Variants in CACNG6 observed in about 807,000 individuals in gnomAD.
The protein encoded by CACNG6 is calcium voltage-gated channel auxiliary subunit gamma 6.
A neutral mutation model predicts 23.9 loss-of-function variants in CACNG6; 21 were observed. The ratio of observed to expected loss-of-function variants is 0.88; its 90% CI spans 0.62 to 1.26. The LOEUF (loss-of-function observed/expected upper bound fraction) is 1.26. Among genes scored for constraint, CACNG6 ranks in the 50% most tolerant of loss-of-function variants. The pLI is 0.00. For missense variants in CACNG6, 340 were observed against 352.9 expected (o/e 0.96, Z 0.29); for synonymous variants, 182 against 168.9 (o/e 1.08, Z -0.60).
intron 3 of CACNG6, among the ~76,000 whole-genome samples, chr19:54,009,674 C>T (rs2069683328): frequency 6.6e-6 from 1 of 151,898 alleles, no homozygotes; most frequent in African/African-American, 2.4e-5. Flanking sequence ...TTGAGTTTTG[C>T]AAATTTTGGT....
At chr19:54,004,207 C>T (rs1323655500) in intron 3 of CACNG6, among the ~76,000 whole-genome samples, 3 of 151,966 alleles carry the variant, frequency 2.0e-5, no homozygotes, top group Non-Finnish European at 4.4e-5. Flanking sequence ...GTTGCCCAGG[C>T]TGGAGTGCAA....
At chr19:54,008,989 A>G (rs746614147) in intron 3 of CACNG6, among the ~76,000 whole-genome samples, 1 of 152,174 alleles carries the variant, frequency 6.6e-6, no homozygotes, top group Non-Finnish European at 1.5e-5. Flanking sequence ...AAAAATAATA[A>G]TCATTTAAGC....
At chr19:54,003,521 T>A (rs973262313) in intron 3 of CACNG6, among the ~76,000 whole-genome samples, 7 of 151,928 alleles carry the variant, frequency 4.6e-5, no homozygotes, top group African/African-American at 1.5e-4. Flanking sequence ...CCACCACACC[T>A]GGCTAAGTTT....
At position 54,012,088 on chromosome 19, in the gene CACNG6, G is replaced by T. The variant is rs773351063; in HGVS notation, c.682G>T (p.Gly228Cys). The change falls in exon 4 of 4, where the codon GGC becomes TGC. Residue 228 changes from glycine to cysteine, a missense_variant. Gly to Cys is a radical substitution (Grantham distance 159). Transcript: ENST00000252729. Reference protein sequence around the residue: ...SWSLGCGVGAGLILLLGAGCF... With the variant: ...SWSLGCGVGACLILLLGAGCF... ...GTCCCTGGGCTGCGGCGTGGGGGCC[G>T]GCCTGATCCTGCTGTTGGGGGCCGG... is the stretch of plus-strand genomic sequence containing the variant. 2 of 1,579,920 alleles carry T rather than the reference G, an allele frequency of 1.3e-6. No individual in the cohort carries two copies. The highest frequency in any genetic ancestry group is 2.3e-5 in the South Asian group (2 of 86,950).
Position 53,992,952 on chromosome 19 carries a change from G to T in CACNG6, c.75G>T (p.Gly25=). The part of the protein sequence containing the change: ...RGAAGRRRAH[G]QGRSGLTPER... ...CCGCGGGCCGGCGGCGGGCGCACGG[G>T]CAGGGCAGGTCGGGGCTGACGCCCG... The change falls in exon 1 of 4, where the codon GGG becomes GGT. Residue 25 remains glycine (G), a synonymous_variant. Transcript: ENST00000252729. The surrounding 1 kb of genome is among the most constrained non-coding windows in gnomAD (Gnocchi z 4.1). 7.1e-7 allele frequency: 1 copy of T among 1,413,110 alleles called. No homozygotes were observed. Among genetic ancestry groups the T allele is most frequent in the Admixed American group, 3.6e-5 (1 of 27,896 alleles). The allele number at this position is 1,413,110 out of a possible 1,614,324, so 87.5% of individuals were successfully genotyped here.
chr19:53,992,597 G>C lies in CACNG6; in HGVS notation c.-281G>C, dbSNP rs1489344403. 1 of 278,878 alleles carries C rather than the reference G, an allele frequency of 3.6e-6. No homozygotes were observed. Among genetic ancestry groups the C allele is most frequent in the Non-Finnish European group, 6.7e-6 (1 of 150,320 alleles). The allele number at this position is 278,878 out of a possible 1,614,324, so 17.3% of individuals were successfully genotyped here. A position where few individuals can be genotyped will look rare whatever the true frequency, so the allele number is the denominator to read the frequency against. The stretch of plus-strand genomic sequence containing the variant: ...GGGTGGGGGCCTTGTTTTTCCTCTG[G>C]GCCCCGTCTTCTTTGCCAAGTTCTT... On this transcript the variant is annotated 5_prime_UTR_variant, in exon 1 of 4. Coordinates refer to ENST00000252729, the MANE Select transcript of CACNG6 (RefSeq NM_145814.2). The surrounding 1 kb of genome is among the most constrained non-coding windows in gnomAD (Gnocchi z 4.1).
chr19:54,002,075 C>G (rs1023537154), intron 3 of CACNG6, among the ~76,000 whole-genome samples: 2 of 151,430 alleles, frequency 1.3e-5, no homozygotes, highest in African/African-American at 4.9e-5. Flanking sequence ...CCCTATGTCT[C>G]TTTCTATCTC....
At chr19:54,010,157 A>T (rs1448959419) in intron 3 of CACNG6, among the ~76,000 whole-genome samples, 1 of 148,940 alleles carries the variant, frequency 6.7e-6, no homozygotes, top group Non-Finnish European at 1.5e-5. Context: ...AGTAGCTGGG[A>T]TTACAGGTGC....
At chr19:54,004,938 G>A (rs2069624037) in intron 3 of CACNG6, among the ~76,000 whole-genome samples, 1 of 151,612 alleles carries the variant, frequency 6.6e-6, no homozygotes, top group African/African-American at 2.4e-5. Flanking sequence ...AGAGGGGGGC[G>A]CGGTGGCTCA....
Position 53,993,205 on chromosome 19 carries a change from G to A in CACNG6, c.328G>A (p.Gly110Arg). The A allele has an allele frequency of 2.0e-6, 3 of 1,537,466 alleles. No individual in the cohort carries two copies. The highest frequency in any genetic ancestry group is 2.7e-5 in the African/African-American group (2 of 72,854). The change falls in exon 1 of 4, where the codon GGA becomes AGA. Residue 110 changes from glycine (G) to arginine (R), a missense_variant. Gly to Arg is a moderately radical substitution (Grantham distance 125, BLOSUM62 -2). Coordinates refer to ENST00000252729, the MANE Select transcript of CACNG6 (RefSeq NM_145814.2). ...RDTCGPAELP[G>R]EANCTYFKFF... is the part of the protein sequence containing the mutation. ...CACCTGCGGCCCCGCGGAGCTGCCC[G>A]GAGGTGAGCAGCCGCCGCCCCGAGC...
At position 54,011,971 on chromosome 19, in the gene CACNG6, C is replaced by T; in HGVS notation, c.565C>T (p.Leu189=). The T allele has an allele frequency of 2.5e-6, 4 of 1,578,080 alleles. No individual in the cohort carries two copies. Among genetic ancestry groups the T allele is most frequent in the Non-Finnish European group, 2.6e-6 (3 of 1,164,334 alleles). The part of the protein sequence containing the change: ...GLSGLLLLVS[L]EVFRHSVRAL... ...CGCAGGCCTGCTGCTCTTGGTGAGC[C>T]TGGAGGTGTTCCGGCATTCCGTGAG... Residue 189 remains leucine, a synonymous_variant, in exon 4 of 4, where the codon CTG becomes TTG. Coordinates refer to ENST00000252729, the MANE Select transcript of CACNG6 (RefSeq NM_145814.2).
At chr19:53,994,927 G>A (rs1451338011) in intron 1 of CACNG6, among the ~76,000 whole-genome samples, 1 of 152,172 alleles carries the variant, frequency 6.6e-6, no homozygotes, top group Non-Finnish European at 1.5e-5. Flanking sequence ...GGAGTCCCCA[G>A]TAATAAGAAT....
chr19:54,004,930 A>AG (rs970918387), intron 3 of CACNG6, among the ~76,000 whole-genome samples: 4 of 151,962 alleles, frequency 2.6e-5, no homozygotes, highest in African/African-American at 9.7e-5. Context: ...TAAATAAAAG[A>AG]GGGGGGCGCG....
chr19:53,997,487 T>C (rs138640477), intron 1 of CACNG6, among the ~76,000 whole-genome samples: 1,756 of 152,276 alleles, frequency 0.012, 37 homozygotes, highest in African/African-American at 0.04. Context: ...CTATGAACAT[T>C]CTTCATTTCA....
intron 3 of CACNG6, among the ~76,000 whole-genome samples, chr19:54,002,346 G>A (rs2069589099): frequency 1.5e-5 from 2 of 134,128 alleles, no homozygotes; most frequent in East Asian, 2.1e-4. Context: ...TCCAACTCCT[G>A]AGCTCAAGTG....
rs1019411415 is a variant in CACNG6, at chr19:53,992,196, A to G, written c.-682A>G. The stretch of plus-strand genomic sequence containing the variant: ...CTCCTTCTGTGGATGCCGGGGTCCT[A>G]CTGCCTCTCTTGAGACCCGGATTGA... On this transcript the variant is annotated 5_prime_UTR_variant, in exon 1 of 4. Coordinates refer to ENST00000252729, the MANE Select transcript of CACNG6 (RefSeq NM_145814.2). The surrounding 1 kb of genome is among the most constrained non-coding windows in gnomAD (Gnocchi z 4.1). The G allele has an allele frequency of 6.6e-6, 1 of 152,172 alleles. No individual in the cohort carries two copies. The highest frequency in any genetic ancestry group is 1.5e-5 in the Non-Finnish European group (1 of 68,078). The allele number at this position is 152,172 out of a possible 1,614,324, so 9.4% of individuals were successfully genotyped here. A position where few individuals can be genotyped will look rare whatever the true frequency, so the allele number is the denominator to read the frequency against.
At position 53,992,967 on chromosome 19, in the gene CACNG6, G is replaced by T; in HGVS notation, c.90G>T (p.Gly30=). ...GGGCGCACGGGCAGGGCAGGTCGGG[G>T]CTGACGCCCGAGCGCGAGGGGAAGG... ...RRRAHGQGRS[G]LTPEREGKVK... is the part of the protein sequence containing the mutation. The change falls in exon 1 of 4, where the codon GGG becomes GGT. Residue 30 remains glycine, a synonymous_variant. Transcript: ENST00000252729. The surrounding 1 kb of genome is among the most constrained non-coding windows in gnomAD (Gnocchi z 4.1). The T allele has an allele frequency of 7.0e-7, 1 of 1,434,512 alleles. No individual in the cohort carries two copies. Among genetic ancestry groups the T allele is most frequent in the Non-Finnish European group, 9.1e-7 (1 of 1,097,906 alleles). 88.9% of individuals were successfully genotyped at this position (1,434,512 alleles called of 1,614,324 possible).
chr19:53,998,120 T>C (rs544057873), intron 1 of CACNG6, 119 bp from the exon 2 acceptor site: 2 of 778,306 alleles, frequency 2.6e-6, no homozygotes, highest in South Asian at 3.3e-5. Flanking sequence ...TTCTCCTCTG[T>C]GTATCAGGGA....
At position 53,999,726 on chromosome 19, in the gene CACNG6, GCAGAGTTCCT is replaced by G; in HGVS notation, c.500_509del (p.Ala167GlyfsTer18). The stretch of plus-strand genomic sequence containing the variant: ...TATCATCATGGTGCTCAGTAAAGGT[GCAGAGTTCCT>G]GCTCCGAGTTGGAGCCGTCTGCTTT... On this transcript the variant is annotated frameshift_variant, in exon 3 of 4. Coordinates refer to ENST00000252729, the MANE Select transcript of CACNG6 (RefSeq NM_145814.2). LOFTEE classifies it high-confidence loss of function. 1 of 1,614,128 alleles carries G rather than the reference GCAGAGTTCCT, an allele frequency of 6.2e-7. No individual in the cohort carries two copies. Among genetic ancestry groups the G allele is most frequent in the Admixed American group, 1.7e-5 (1 of 60,026 alleles).
Sources: gnomAD v4.1 joint callset for allele counts (sites outside exome capture counted in the v4.1 genomes callset) on GRCh38, gnomAD v4.1.1 for gene constraint, Gnocchi (gnomAD v3.1) non-coding constraint, MANE v1.5 for transcripts, NCBI Gene and HGNC (gene_info 2026-07-23, HGNC 2026-07-21) for gene names.